Variants in CLTA observed in about 807,000 individuals in gnomAD.
CLTA encodes clathrin light chain A.
A neutral mutation model predicts 26.9 loss-of-function variants in CLTA; 9 were observed. The ratio of observed to expected loss-of-function variants is 0.33; its 90% CI spans 0.20 to 0.58. The LOEUF (loss-of-function observed/expected upper bound fraction) is 0.58. Among genes scored for constraint, CLTA ranks in the 20% least tolerant of loss-of-function variants. The pLI is 0.85. For missense variants in CLTA, 278 were observed against 294.2 expected (o/e 0.94, Z 0.40); for synonymous variants, 120 against 115.5 (o/e 1.04, Z -0.25).
At chr9:36,200,177 C>G (rs1332113427) in intron 3 of CLTA, among the ~76,000 whole-genome samples, 3 of 152,090 alleles carry the variant, frequency 2.0e-5, no homozygotes, top group African/African-American at 7.2e-5. Context: ...ACATTGTGGC[C>G]TTTTCTTTGT....
chr9:36,211,261 A>C (rs1488144890), intron 4 of CLTA, among the ~76,000 whole-genome samples: 1 of 152,236 alleles, frequency 6.6e-6, no homozygotes, highest in Non-Finnish European at 1.5e-5. Context: ...CAAGTTCTTG[A>C]TCAGCCTGCT....
intron 3 of CLTA, among the ~76,000 whole-genome samples, chr9:36,199,656 G>A (rs1035727540): frequency 6.0e-5 from 9 of 151,120 alleles, no homozygotes; most frequent in African/African-American, 9.8e-5. Context: ...GGGTTTCACC[G>A]TGTTAGCCAG....
At chr9:36,203,987 C>G (rs944920077) in intron 3 of CLTA, 81 bp from the exon 4 acceptor site, 2 of 1,570,410 alleles carry the variant, frequency 1.3e-6, no homozygotes, top group South Asian at 1.2e-5. Flanking sequence ...ACCACAAGTT[C>G]AGCAAGACCA....
chr9:36,210,598 G>GTT, intron 4 of CLTA: 1 of 1,613,980 alleles, frequency 6.2e-7, no homozygotes, highest in African/African-American at 1.3e-5. Context: ...AGTTTCTCTC[G>GTT]TTTCTTTTCT....
chr9:36,208,555 C>T (rs1042381546), intron 4 of CLTA, among the ~76,000 whole-genome samples: 2 of 152,210 alleles, frequency 1.3e-5, no homozygotes, highest in African/African-American at 2.4e-5. Flanking sequence ...CCGTTTTTTC[C>T]TGTAAGGTTG....
At chr9:36,194,474 A>G (rs1826915685) in intron 1 of CLTA, among the ~76,000 whole-genome samples, 1 of 152,232 alleles carries the variant, frequency 6.6e-6, no homozygotes, top group South Asian at 2.1e-4. Flanking sequence ...TTTGCTGTAT[A>G]CCAGGTACAC....
At chr9:36,211,499 C>A in intron 4 of CLTA, 104 bp from the exon 5 acceptor site, 2 of 1,445,152 alleles carry the variant, frequency 1.4e-6, no homozygotes, top group Non-Finnish European at 1.9e-6. Context: ...GCCAGAATGT[C>A]ATTAAGAAAG....
At chr9:36,205,062 G>C (rs1827634994) in intron 4 of CLTA, among the ~76,000 whole-genome samples, 1 of 152,244 alleles carries the variant, frequency 6.6e-6, no homozygotes, top group Admixed American at 6.5e-5. Flanking sequence ...TGGCAGCTCT[G>C]TTAGACAGAG....
At chr9:36,198,266 G>A (rs1827171032) in intron 2 of CLTA, among the ~76,000 whole-genome samples, 1 of 151,888 alleles carries the variant, frequency 6.6e-6, no homozygotes, top group Non-Finnish European at 1.5e-5. Context: ...CCAAAGTGCT[G>A]GGATTACAGG....
At chr9:36,203,002 T>A (rs1351499027) in intron 3 of CLTA, among the ~76,000 whole-genome samples, 1 of 151,994 alleles carries the variant, frequency 6.6e-6, no homozygotes. Flanking sequence ...CAGCTAATTT[T>A]TTGTATTTTT....
chr9:36,191,648 G>A (rs1432816832), intron 1 of CLTA, among the ~76,000 whole-genome samples: 1 of 152,146 alleles, frequency 6.6e-6, no homozygotes, highest in Admixed American at 6.5e-5. Context: ...AGTCTGAGCC[G>A]AGCACAGAAC....
Position 36,191,195 on chromosome 9 carries a change from G to A in CLTA, c.139G>A (p.Glu47Lys). 6.3e-7 allele frequency: 1 copy of A among 1,578,152 alleles called. No individual in the cohort carries two copies. The highest frequency in any genetic ancestry group is 1.1e-5 in the South Asian group (1 of 87,490). The change falls in exon 1 of 5, where the codon GAG becomes AAG. Residue 47 changes from glutamate to lysine, a missense_variant. By Grantham distance (56) the Glu-to-Lys change is moderately conservative (BLOSUM62 1). Coordinates refer to ENST00000345519, the MANE Select transcript of CLTA (RefSeq NM_001833.4). Reference protein sequence around the residue: ...AQQESEIAGIENDEAFAILDG... With the variant: ...AQQESEIAGIKNDEAFAILDG... ...GCAAGAGAGCGAGATTGCGGGCATC[G>A]AGAACGACGAGGCCTTCGCCATCCT...
intron 1 of CLTA, 131 bp from the exon 2 acceptor site, chr9:36,197,420 G>A: frequency 3.3e-6 from 2 of 609,598 alleles, no homozygotes; most frequent in Non-Finnish European, 5.9e-6. Flanking sequence ...GTTGTATATA[G>A]CACCTACCAC....
intron 1 of CLTA, among the ~76,000 whole-genome samples, chr9:36,192,678 T>A (rs1563904670): frequency 6.6e-6 from 1 of 152,102 alleles, no homozygotes; most frequent in Non-Finnish European, 1.5e-5. Flanking sequence ...AGTTTAACCT[T>A]CCTCATTTAA....
intron 1 of CLTA, among the ~76,000 whole-genome samples, chr9:36,192,099 G>A (rs1387756545): frequency 6.6e-6 from 1 of 152,174 alleles, no homozygotes; most frequent in Admixed American, 6.5e-5. Flanking sequence ...GAGTGGAAAA[G>A]ACCTACTTAA....
At chr9:36,209,815 A>G (rs1359172767) in intron 4 of CLTA, among the ~76,000 whole-genome samples, 2 of 152,204 alleles carry the variant, frequency 1.3e-5, no homozygotes, top group African/African-American at 4.8e-5. Context: ...TCATTCAAAC[A>G]ATGTGGGGTC....
chr9:36,194,745 C>G (rs1826927490), intron 1 of CLTA, among the ~76,000 whole-genome samples: 1 of 152,234 alleles, frequency 6.6e-6, no homozygotes, highest in African/African-American at 2.4e-5. Context: ...AAGTTTCCTT[C>G]TGAAGCATCG....
intron 1 of CLTA, among the ~76,000 whole-genome samples, chr9:36,196,896 C>T (rs1251551025): frequency 1.3e-5 from 2 of 152,098 alleles, no homozygotes; most frequent in Non-Finnish European, 2.9e-5. Context: ...TATGAGAGGC[C>T]AGGCATGGTG....
chr9:36,211,742 A>G lies in CLTA; in HGVS notation c.625A>G (p.Ile209Val), dbSNP rs1265725287. Residue 209 changes from isoleucine to valine, a missense_variant, in exon 5 of 5, where the codon ATC (isoleucine) becomes GTC (valine). Ile to Val is a conservative substitution (Grantham distance 29, BLOSUM62 3). Coordinates refer to ENST00000345519, the MANE Select transcript of CLTA (RefSeq NM_001833.4). ...TGTCTCCCGCATGCGCTCAGTCCTC[A>G]TCTCCCTCAAGCAGGCCCCGCTGGT... is the stretch of plus-strand genomic sequence containing the variant. ...KDVSRMRSVL[I>V]SLKQAPLVH 3 of 1,613,662 alleles carry G rather than the reference A, an allele frequency of 1.9e-6. No homozygotes were observed. The highest frequency in any genetic ancestry group is 2.5e-6 in the Non-Finnish European group (3 of 1,179,690).
Sources: gnomAD v4.1 joint callset for allele counts (sites outside exome capture counted in the v4.1 genomes callset) on GRCh38, gnomAD v4.1.1 for gene constraint, MANE v1.5 for transcripts, NCBI Gene and HGNC (gene_info 2026-07-23, HGNC 2026-07-21) for gene names.